The following MTF1 variants were observed in gnomAD, a reference collection of about 807,000 sequenced individuals.
MTF1 encodes the protein MRE-binding transcription factor.
A neutral mutation model predicts 70.4 loss-of-function variants in MTF1; 22 were observed. The observed-to-expected ratio is 0.31, with a 90% CI of 0.22 to 0.45. MTF1 has a LOEUF of 0.45. Ranked by LOEUF, MTF1 falls within the 20% of genes least tolerant of loss-of-function variation. The pLI, the probability that MTF1 is intolerant of heterozygous loss-of-function variation, is 1.00. For synonymous variants in MTF1, 333 were observed against 352.8 expected (o/e 0.94, Z 0.63); for missense variants, 649 against 922.0 (o/e 0.70, Z 3.83).
intron 7 of MTF1, among the ~76,000 whole-genome samples, chr1:37,825,545 T>C (rs565723676): frequency 2.6e-5 from 4 of 152,326 alleles, no homozygotes; most frequent in African/African-American, 9.6e-5. Context: ...CCCAGAAATT[T>C]TGATTTTTAC....
chr1:37,822,362 G>A lies in MTF1; in HGVS notation c.1526C>T (p.Ala509Val). The A allele has an allele frequency of 3.1e-6, 5 of 1,613,564 alleles. No homozygotes were observed. The highest frequency in any genetic ancestry group is 8.5e-7 in the Non-Finnish European group (1 of 1,179,552). The change falls in exon 9 of 11, where the codon GCA becomes GTA. Residue 509 changes from alanine to valine, a missense_variant. Coordinates refer to ENST00000373036, the MANE Select transcript of MTF1 (RefSeq NM_005955.3). Reference sequence around the variant, plus strand: ...TGCCACAGCTGATGCCACTGCCGCTGCTGATGCAGAAGCCCCAGCAACAAC... The same window carrying A: ...TGCCACAGCTGATGCCACTGCCGCTACTGATGCAGAAGCCCCAGCAACAAC... The part of the protein sequence containing the change: ...LSVVAGASAS[A>V]AAVASAVAAP...
intron 6 of MTF1, among the ~76,000 whole-genome samples, chr1:37,832,899 G>A (rs959181985): frequency 6.6e-6 from 1 of 151,864 alleles, no homozygotes. Flanking sequence ...CCAGCTACTC[G>A]GGAGGCTGAG....
At chr1:37,826,923 G>C (rs936482575) in intron 7 of MTF1, among the ~76,000 whole-genome samples, 1 of 152,082 alleles carries the variant, frequency 6.6e-6, no homozygotes, top group African/African-American at 2.4e-5. Context: ...AGGTTGCAGC[G>C]AGCTGAGATC....
intron 9 of MTF1, among the ~76,000 whole-genome samples, chr1:37,821,759 C>T (rs755452249): frequency 3.7e-4 from 56 of 152,098 alleles, no homozygotes; most frequent in Non-Finnish European, 1.9e-4. Context: ...CACATCAGTC[C>T]CTCACATCAG....
intron 4 of MTF1, 80 bp from the exon 5 acceptor site, chr1:37,835,824 C>G (rs186857627): frequency 2.5e-6 from 3 of 1,197,186 alleles, no homozygotes; most frequent in Admixed American, 3.5e-5. Flanking sequence ...TTTTTGAGAT[C>G]GAGTCTCGCT....
intron 7 of MTF1, among the ~76,000 whole-genome samples, chr1:37,824,833 T>C (rs1454960373): frequency 2.6e-5 from 4 of 152,096 alleles, no homozygotes; most frequent in Non-Finnish European, 4.4e-5. Flanking sequence ...ACAACAATGG[T>C]GAACAATAGT....
In MTF1 at chr1:37,815,253, C is replaced by T; in HGVS notation, c.2145G>A (p.Met715Ile). 1 of 1,614,096 alleles carries T rather than the reference C, an allele frequency of 6.2e-7. No homozygotes were observed. The highest frequency in any genetic ancestry group is 8.5e-7 in the Non-Finnish European group (1 of 1,180,034). The part of the protein sequence containing the change: ...SDPQTETLSA[M>I]DVSEFLSLQS... The stretch of plus-strand genomic sequence containing the variant: ...GGAGGGATAGAAACTCTGACACATC[C>T]ATGGCACTTAATGTTTCTGTCTGAG... The change falls in exon 11 of 11, where the codon ATG becomes ATA. Residue 715 changes from methionine (M) to isoleucine (I), a missense_variant. Met to Ile is a conservative substitution (Grantham distance 10). Around this residue, in one of 7 missense-constraint regions of MTF1, gnomAD observed 138 missense variants for 134.4 expected, o/e 1.03. Transcript: ENST00000373036. This position sits in a 1 kb window ranked among gnomAD's most constrained non-coding sequence, Gnocchi z 4.5.
Position 37,839,948 on chromosome 1 carries a change from A to C in MTF1, c.619T>G (p.Cys207Gly). The C allele has an allele frequency of 6.2e-7, 1 of 1,614,214 alleles. No homozygotes were observed. The highest frequency in any genetic ancestry group is 8.5e-7 in the Non-Finnish European group (1 of 1,180,032). The change falls in exon 3 of 11, where the codon TGT (cysteine) becomes GGT (glycine). Residue 207 changes from cysteine (C) to glycine (G), a missense_variant. By Grantham distance (159) the Cys-to-Gly change is radical. Around this residue, in one of 7 missense-constraint regions of MTF1, gnomAD observed 118 missense variants for 287.2 expected, o/e 0.41. Transcript: ENST00000373036. ...TACAGTGTGTTGAATGCCTTCTCAC[A>C]GCCCTGCACGTCACACTCAAATGGC... ...EKPFECDVQG[C>G]EKAFNTLYRL...
chr1:37,819,387 C>T (rs1557586044), intron 9 of MTF1, among the ~76,000 whole-genome samples: 1 of 152,108 alleles, frequency 6.6e-6, no homozygotes. Flanking sequence ...CTTTGGGAGG[C>T]CAAAGCGGGC....
intron 5 of MTF1, 45 bp downstream of exon 5, chr1:37,835,626 T>C (rs1641156338): frequency 1.4e-6 from 2 of 1,438,738 alleles, no homozygotes; most frequent in Admixed American, 1.7e-5. Context: ...CAATGGAAAA[T>C]TGATAGTTAC....
chr1:37,831,148 G>A (rs1036290822), intron 7 of MTF1, among the ~76,000 whole-genome samples: 1 of 152,158 alleles, frequency 6.6e-6, no homozygotes. Context: ...GCTCACCAGT[G>A]CCTTTCCACA....
intron 2 of MTF1, among the ~76,000 whole-genome samples, chr1:37,842,720 T>C (rs1236378640): frequency 1.3e-5 from 2 of 152,126 alleles, no homozygotes; most frequent in Admixed American, 6.6e-5. Flanking sequence ...TTGTTCAACA[T>C]AATTTTTTTT....
chr1:37,850,240 CAAAAAAAA>C (rs5773605), intron 2 of MTF1, among the ~76,000 whole-genome samples: 2 of 66,332 alleles, frequency 3.0e-5, no homozygotes, highest in Non-Finnish European at 5.6e-5. Context: ...CTGTCTCAAC[CAAAAAAAA>C]AAAAAAAAAA....
chr1:37,834,389 G>A (rs983563332), intron 6 of MTF1, among the ~76,000 whole-genome samples: 4 of 145,376 alleles, frequency 2.8e-5, no homozygotes, highest in Admixed American at 6.9e-5. Flanking sequence ...AGCACTTTGG[G>A]AGGCTGAGAC....
Position 37,813,403 on chromosome 1 carries a change from TTGTC to T in MTF1, c.*1729_*1732del, listed in dbSNP as rs1640765762. On this transcript the variant is annotated 3_prime_UTR_variant, in exon 11 of 11. Transcript: ENST00000373036. The stretch of plus-strand genomic sequence containing the variant: ...ACAACATTCACCACCACTGCCCTCT[TTGTC>T]TGTCCCTGAACATCCTTGCTAAAGG... 6.6e-6 allele frequency: 1 copy of T among 152,238 alleles called. No homozygotes were observed. The highest frequency in any genetic ancestry group is 6.5e-5 in the Admixed American group (1 of 15,274). The allele number at this position is 152,238 out of a possible 1,614,324, so 9.4% of individuals were successfully genotyped here.
rs1385833544 is a variant in MTF1, at chr1:37,857,476, T to A, written c.183A>T (p.Glu61Asp). The A allele has an allele frequency of 6.2e-7, 1 of 1,614,240 alleles. No homozygotes were observed. The highest frequency in any genetic ancestry group is 1.1e-5 in the South Asian group (1 of 91,086). Residue 61 changes from glutamate to aspartate, a missense_variant, in exon 2 of 11, where the codon GAA becomes GAT. Coordinates refer to ENST00000373036, the MANE Select transcript of MTF1 (RefSeq NM_005955.3). The part of the protein sequence containing the change: ...IEQDPGTLED[E>D]DDDGQCGEHL... ...GTTCTCCGCACTGTCCGTCGTCATC[T>A]TCATCCTCCAAAGTGCCAGGGTCCT...
Position 37,838,797 on chromosome 1 carries a change from CTTTTTTTTTTTT to C in MTF1, c.648-53_648-42del, listed in dbSNP as rs746478428. 4 of 474,736 alleles carry C rather than the reference CTTTTTTTTTTTT, an allele frequency of 8.4e-6. 1 individual carries two copies. Among genetic ancestry groups the C allele is most frequent in the Middle Eastern group, 1.4e-3 (2 of 1,480 alleles). 29.4% of individuals were successfully genotyped at this position (474,736 alleles called of 1,614,324 possible). ...GAAAAATTCCCTTTGTCATAAAATTCTTTTTTTTTTTTTTTTTTTTTTCTGAGACAGAGTTTC... is the reference window on the plus strand; with the variant it reads ...GAAAAATTCCCTTTGTCATAAAATTCTTTTTTTTTTCTGAGACAGAGTTTC... On this transcript the variant is annotated intron_variant, in intron 3 of 10. Transcript: ENST00000373036.
In MTF1 at chr1:37,823,943, T is replaced by A. The variant is rs143364716; in HGVS notation, c.1069-131A>T. 9.9e-3 allele frequency: 6,415 copies of A among 647,184 alleles called. 49 individuals are homozygous for A. The highest frequency in any genetic ancestry group is 0.013 in the Non-Finnish European group (4,872 of 365,980). The allele number at this position is 647,184 out of a possible 1,614,324, so 40.1% of individuals were successfully genotyped here. A position where few individuals can be genotyped will look rare whatever the true frequency, so the allele number is the denominator to read the frequency against. ...GCATTTTGTTTCTACCTTCTGCTATTTAAAGTAACATGTATTTTCTTAAGC... is the reference window on the plus strand; with the variant it reads ...GCATTTTGTTTCTACCTTCTGCTATATAAAGTAACATGTATTTTCTTAAGC... On this transcript the variant is annotated intron_variant, in intron 7 of 10. Transcript: ENST00000373036.
Position 37,822,399 on chromosome 1 carries a change from G to A in MTF1, c.1489C>T (p.Pro497Ser). The change falls in exon 9 of 11, where the codon CCA (proline) becomes TCA (serine). Residue 497 changes from proline to serine, a missense_variant. Pro to Ser is a moderately conservative substitution (Grantham distance 74). This residue lies in a region of MTF1 where 267 missense variants were observed against 292.1 expected (regional missense o/e 0.91). Coordinates refer to ENST00000373036, the MANE Select transcript of MTF1 (RefSeq NM_005955.3). ...GCCCCAGCAACAACAGAAAGTCCTG[G>A]TACAATGGGCTGCGGTGCCTGGGGG... ...PHPQAPQPIV[P>S]GLSVVAGASA... 6.2e-7 allele frequency: 1 copy of A among 1,614,172 alleles called. No individual in the cohort carries two copies. The highest frequency in any genetic ancestry group is 8.5e-7 in the Non-Finnish European group (1 of 1,180,026).
Sources: gnomAD v4.1 joint callset for allele counts (sites outside exome capture counted in the v4.1 genomes callset) on GRCh38, gnomAD v4.1.1 for gene constraint, gnomAD v4.1.1 regional missense constraint, Gnocchi (gnomAD v3.1) non-coding constraint, MANE v1.5 for transcripts, NCBI Gene and HGNC (gene_info 2026-07-23, HGNC 2026-07-21) for gene names.